Variants in MEOX1 observed in about 807,000 individuals in gnomAD.
MEOX1 encodes homeobox protein MOX-1.
Under a neutral mutation model 23.2 loss-of-function variants are expected in MEOX1, and 17 were observed. That is an observed-to-expected ratio of 0.73 (90% CI 0.50 to 1.10). MEOX1 has a LOEUF of 1.10. Ranked by LOEUF, MEOX1 falls within the 50% of genes least tolerant of loss-of-function variation. MEOX1 has a pLI of 0.00. For missense variants in MEOX1, 333 were observed against 332.2 expected, an observed-to-expected ratio of 1.00 and a Z score of -0.02; for synonymous variants, 134 against 135.1, an observed-to-expected ratio of 0.99 and a Z score of 0.06.
intron 1 of MEOX1, among the ~76,000 whole-genome samples, chr17:43,652,825 C>CTTTTTTTTTTT (rs397856379): frequency 2.8e-5 from 2 of 71,106 alleles, no homozygotes; most frequent in East Asian, 6.2e-4. Context: ...TCTACTATTG[C>CTTTTTTTTTTT]TTTTTTTTTT....
chr17:43,641,949 A>G lies in MEOX1; in HGVS notation c.726T>C (p.Pro242=). 6.2e-7 allele frequency: 1 copy of G among 1,614,024 alleles called. No individual in the cohort carries two copies. The highest frequency in any genetic ancestry group is 2.2e-5 in the East Asian group (1 of 44,880). ...GQPISPNGQD[P]EDGDSTASPS... Reference sequence around the variant, plus strand: ...GAGAGGCTGTGGAGTCCCCATCCTCAGGGTCCTGCCCATTGGGGGAGATGG... The same window carrying G: ...GAGAGGCTGTGGAGTCCCCATCCTCGGGGTCCTGCCCATTGGGGGAGATGG... Residue 242 remains proline, a synonymous_variant, in exon 3 of 3, where the codon CCT becomes CCC. Coordinates refer to ENST00000318579, the MANE Select transcript of MEOX1 (RefSeq NM_004527.4).
chr17:43,654,984 G>A (rs921763722), intron 1 of MEOX1, among the ~76,000 whole-genome samples: 1 of 151,850 alleles, frequency 6.6e-6, no homozygotes, highest in Admixed American at 6.6e-5. Flanking sequence ...CCCGGGAGGC[G>A]GAGCTTGCAG....
At chr17:43,657,170 C>CTTTTTTTTT (rs57432395) in intron 1 of MEOX1, among the ~76,000 whole-genome samples, 13 of 81,706 alleles carry the variant, frequency 1.6e-4, no homozygotes, top group Non-Finnish European at 2.2e-4. Context: ...TTCTTTCTTT[C>CTTTTTTTTT]TTTTTTTTTT....
chr17:43,656,844 C>T lies in MEOX1; in HGVS notation c.469+4222G>A, dbSNP rs143554290. Among the ~76,000 whole-genome samples, 646 of 152,000 alleles carry T rather than the reference C, an allele frequency of 4.3e-3. 4 individuals carry two copies. The highest frequency in any genetic ancestry group is 0.014 in the Middle Eastern group (4 of 294). On this transcript the variant is annotated intron_variant, in intron 1 of 2. Coordinates refer to ENST00000318579, the MANE Select transcript of MEOX1 (RefSeq NM_004527.4). ...AAACAACAGTGGCCTCACAGCTGTC[C>T]CTGCCAGCAGGGGTCTTTAATCCCC... is the stretch of plus-strand genomic sequence containing the variant.
chr17:43,641,940 C>G lies in MEOX1; in HGVS notation c.735G>C (p.Gly245=). 6.2e-7 allele frequency: 1 copy of G among 1,613,942 alleles called. No homozygotes were observed. The highest frequency in any genetic ancestry group is 8.5e-7 in the Non-Finnish European group (1 of 1,179,946). ...CTGAACTTGGAGAGGCTGTGGAGTC[C>G]CCATCCTCAGGGTCCTGCCCATTGG... is the stretch of plus-strand genomic sequence containing the variant. The part of the protein sequence containing the change: ...ISPNGQDPED[G]DSTASPSSE Residue 245 remains glycine, a synonymous_variant, in exon 3 of 3, where the codon GGG becomes GGC. Transcript: ENST00000318579.
chr17:43,651,090 G>A (rs138369250), intron 1 of MEOX1, among the ~76,000 whole-genome samples: 50 of 152,184 alleles, frequency 3.3e-4, no homozygotes, highest in African/African-American at 9.9e-4. Context: ...AGGCCGAGGC[G>A]GGTGGATCAC....
Position 43,643,804 on chromosome 17 carries a change from A to T in MEOX1, c.470-144T>A, listed in dbSNP as rs1041180221. The T allele has an allele frequency of 2.0e-5, 12 of 596,110 alleles. No individual in the cohort carries two copies. The Admixed American group carries it at 2.8e-4, about 14-fold the overall frequency. The allele number at this position is 596,110 out of a possible 1,614,324, so 36.9% of individuals were successfully genotyped here. A position where few individuals can be genotyped will look rare whatever the true frequency, so the allele number is the denominator to read the frequency against. ...AGAAAAAAGCTACACTGTCCTTTTT[A>T]TTCCTTCTGGTGTCTTACCCATATT... On this transcript the variant is annotated intron_variant, in intron 1 of 2. Coordinates refer to ENST00000318579, the MANE Select transcript of MEOX1 (RefSeq NM_004527.4).
chr17:43,650,848 C>T (rs1313587845), intron 1 of MEOX1, among the ~76,000 whole-genome samples: 1 of 152,162 alleles, frequency 6.6e-6, no homozygotes, highest in African/African-American at 2.4e-5. Context: ...CCAGGATCTC[C>T]CTGGCTTCCT....
Position 43,641,829 on chromosome 17 carries a change from G to A in MEOX1, c.*81C>T. 1.4e-6 allele frequency: 2 copies of A among 1,437,314 alleles called. No homozygotes were observed. The highest frequency in any genetic ancestry group is 1.9e-6 in the Non-Finnish European group (2 of 1,063,120). 89.0% of individuals were successfully genotyped at this position (1,437,314 alleles called of 1,614,324 possible). On this transcript the variant is annotated 3_prime_UTR_variant, in exon 3 of 3. Transcript: ENST00000318579. ...GGAGAGGCTGCCCTGGCTGGGGAAG[G>A]AAGAGGGTGAAGGTGGGATTGGGGT... is the stretch of plus-strand genomic sequence containing the variant.
At chr17:43,652,196 A>G (rs1972931239) in intron 1 of MEOX1, among the ~76,000 whole-genome samples, 2 of 152,020 alleles carry the variant, frequency 1.3e-5, no homozygotes, top group Admixed American at 6.5e-5. Context: ...CTTCCTCACT[A>G]GGGGTTCTGG....
Position 43,641,453 on chromosome 17 carries a change from C to A in MEOX1, c.*457G>T, listed in dbSNP as rs943215093. Reference sequence around the variant, plus strand: ...GAGGAAGGTGGGCAAGGGCGTGTGTCTCTGTCATTTCCTTCCTTTTGAAGC... The same window carrying A: ...GAGGAAGGTGGGCAAGGGCGTGTGTATCTGTCATTTCCTTCCTTTTGAAGC... On this transcript the variant is annotated 3_prime_UTR_variant, in exon 3 of 3. Coordinates refer to ENST00000318579, the MANE Select transcript of MEOX1 (RefSeq NM_004527.4). The A allele has an allele frequency of 6.4e-6, 1 of 155,788 alleles. No individual in the cohort carries two copies. The highest frequency in any genetic ancestry group is 2.4e-5 in the African/African-American group (1 of 41,468). 9.7% of individuals were successfully genotyped at this position (155,788 alleles called of 1,614,324 possible).
At chr17:43,657,505 A>G (rs1482660091) in intron 1 of MEOX1, among the ~76,000 whole-genome samples, 6 of 152,054 alleles carry the variant, frequency 3.9e-5, no homozygotes, top group Admixed American at 2.6e-4. Flanking sequence ...CTTTCTTGAT[A>G]ATTTCTTTGA....
At chr17:43,651,352 A>C (rs186091461) in intron 1 of MEOX1, among the ~76,000 whole-genome samples, 1 of 152,188 alleles carries the variant, frequency 6.6e-6, no homozygotes, top group Non-Finnish European at 1.5e-5. Context: ...GTCTTTGCTG[A>C]GAGTCCCAGG....
At chr17:43,657,166 C>CT (rs1567748530) in intron 1 of MEOX1, among the ~76,000 whole-genome samples, 8 of 81,148 alleles carry the variant, frequency 9.9e-5, no homozygotes, top group Admixed American at 4.2e-4. Context: ...TTCTTTCTTT[C>CT]TTTCTTTTTT....
intron 1 of MEOX1, among the ~76,000 whole-genome samples, chr17:43,655,846 AG>A (rs1973008509): frequency 6.6e-6 from 1 of 152,042 alleles, no homozygotes; most frequent in Non-Finnish European, 1.5e-5. Flanking sequence ...GGTGATTGCT[AG>A]GGGGTGGGGG....
chr17:43,648,129 C>T (rs1972844437), intron 1 of MEOX1, among the ~76,000 whole-genome samples: 1 of 152,234 alleles, frequency 6.6e-6, no homozygotes, highest in Non-Finnish European at 1.5e-5. Context: ...GCTGTTCGGT[C>T]ACCCTGCTCA....
Position 43,661,252 on chromosome 17 carries a change from G to GCC in MEOX1, c.281_282dup (p.His95GlyfsTer103). 1 of 1,609,658 alleles carries GCC rather than the reference G, an allele frequency of 6.2e-7. No individual in the cohort carries two copies. The highest frequency in any genetic ancestry group is 8.5e-7 in the Non-Finnish European group (1 of 1,177,434). On this transcript the variant is annotated frameshift_variant, in exon 1 of 3. Coordinates refer to ENST00000318579, the MANE Select transcript of MEOX1 (RefSeq NM_004527.4). LOFTEE classifies it high-confidence loss of function. ...CGCCGGGCGTCTGAGACAGGGAAGT[G>GCC]CCAGTTGGGGGACTGTGGGAAAGCG...
rs1239329256 is a variant in MEOX1 at position 43,640,420 on chromosome 17, G to A, written c.*1490C>T. ...TTTTATTGATTTTATTTCTCCGAGA[G>A]TTTTCTTACAAAGTGAATTGAGCTC... On this transcript the variant is annotated 3_prime_UTR_variant, in exon 3 of 3. Coordinates refer to ENST00000318579, the MANE Select transcript of MEOX1 (RefSeq NM_004527.4). 4 of 152,168 alleles carry A rather than the reference G, an allele frequency of 2.6e-5. No homozygotes were observed. Among genetic ancestry groups the A allele is most frequent in the Non-Finnish European group, 5.9e-5 (4 of 68,032 alleles). The allele number at this position is 152,168 out of a possible 1,614,324, so 9.4% of individuals were successfully genotyped here. A position where few individuals can be genotyped will look rare whatever the true frequency, so the allele number is the denominator to read the frequency against.
chr17:43,644,709 C>G (rs1567742394), intron 1 of MEOX1, among the ~76,000 whole-genome samples: 1 of 151,932 alleles, frequency 6.6e-6, no homozygotes, highest in Admixed American at 6.6e-5. Flanking sequence ...AGGTCAGGAG[C>G]TCGAGACCAG....
Sources: allele counts gnomAD v4.1 joint callset (sites outside exome capture counted in the v4.1 genomes callset), GRCh38; gene constraint gnomAD v4.1.1; transcripts MANE v1.5; gene names NCBI Gene and HGNC (gene_info 2026-07-23, HGNC 2026-07-21).